The following MARCHF4 variants were observed in gnomAD, a reference collection of about 807,000 sequenced individuals.
MARCHF4 encodes membrane associated ring-CH-type finger 4.
In MARCHF4, 14 loss-of-function variants were observed where a neutral mutation model predicts 43.9. The ratio of observed to expected loss-of-function variants is 0.32; its 90% confidence interval spans 0.21 to 0.50. The LOEUF (loss-of-function observed/expected upper bound fraction) is 0.50. Ranked by LOEUF, MARCHF4 falls within the 20% of genes least tolerant of loss-of-function variation. MARCHF4 has a pLI of 0.98. For synonymous variants in MARCHF4, 226 were observed against 213.3 expected, an observed-to-expected ratio of 1.06 and a Z score of -0.52; for missense variants, 468 against 536.7, an observed-to-expected ratio of 0.87 and a Z score of 1.27.
intron 1 of MARCHF4, among the ~76,000 whole-genome samples, chr2:216,288,680 A>AGAGGCAG (rs896278463): frequency 6.6e-5 from 10 of 152,168 alleles, no homozygotes; most frequent in East Asian, 5.8e-4. Flanking sequence ...GGGTCGTGCT[A>AGAGGCAG]GAGGCAGGAG....
rs1419002211 is a variant in MARCHF4 at position 216,370,189 on chromosome 2, C to G, written c.72G>C (p.Leu24Phe). ...CCCSGWYCYG[L>F]CAPAPQMLRH... is the part of the protein sequence containing the mutation. ...GCAACATCTGGGGGGCTGGGGCACA[C>G]AATCCATAGCAGTACCAGCCGGAGC... is the stretch of plus-strand genomic sequence containing the variant. The change falls in exon 1 of 4, where the codon TTG (leucine) becomes TTC (phenylalanine). Residue 24 changes from leucine (L) to phenylalanine (F), a missense_variant. Transcript: ENST00000273067. 6.2e-7 allele frequency: 1 copy of G among 1,612,864 alleles called. No homozygotes were observed. Among genetic ancestry groups the G allele is most frequent in the Admixed American group, 1.7e-5 (1 of 59,894 alleles).
intron 1 of MARCHF4, among the ~76,000 whole-genome samples, chr2:216,308,315 G>A (rs1559095240): frequency 6.6e-6 from 1 of 152,026 alleles, no homozygotes; most frequent in South Asian, 2.1e-4. Flanking sequence ...CTGTTCAGAG[G>A]ATGGCTTGAG....
rs1234012243 is a variant in MARCHF4, at chr2:216,261,708, G to A, written c.866-2029C>T. 5.3e-5 allele frequency among the ~76,000 whole-genome samples: 8 copies of A among 152,166 alleles called. No homozygotes were observed. In the East Asian group the frequency reaches 1.3e-3, roughly 26 times the overall value. The stretch of plus-strand genomic sequence containing the variant: ...GAAGCTTAGGGAGAGGTCTGGCCTG[G>A]AGATAGAAGCCATCATTGTAGAGGT... On this transcript the variant is annotated intron_variant, in intron 3 of 3. Transcript: ENST00000273067.
chr2:216,263,499 G>GAGAGAAAGAGAGAA (rs1690780995), intron 3 of MARCHF4, among the ~76,000 whole-genome samples: 1 of 137,834 alleles, frequency 7.3e-6, no homozygotes, highest in African/African-American at 2.8e-5. Flanking sequence ...GAGAAAGAGA[G>GAGAGAAAGAGAGAA]AGAGAGAGAG....
intron 1 of MARCHF4, among the ~76,000 whole-genome samples, chr2:216,340,052 C>T (rs1434619972): frequency 3.9e-5 from 6 of 152,030 alleles, no homozygotes; most frequent in African/African-American, 4.8e-5. Flanking sequence ...AGCCGTTATC[C>T]GCCTCTCCCT....
chr2:216,311,881 G>C (rs1205378025), intron 1 of MARCHF4, among the ~76,000 whole-genome samples: 1 of 152,138 alleles, frequency 6.6e-6, no homozygotes, highest in Non-Finnish European at 1.5e-5. Flanking sequence ...ATTGTAATCA[G>C]TGTATTAGGA....
chr2:216,340,040 C>G (rs1417144644), intron 1 of MARCHF4, among the ~76,000 whole-genome samples: 3 of 152,078 alleles, frequency 2.0e-5, no homozygotes, highest in Non-Finnish European at 2.9e-5. Context: ...AGCTGAATTT[C>G]CAGCCGTTAT....
chr2:216,285,215 C>G (rs557634257), intron 1 of MARCHF4, among the ~76,000 whole-genome samples: 1 of 152,330 alleles, frequency 6.6e-6, no homozygotes, highest in East Asian at 1.9e-4. Flanking sequence ...ATGCCCACTC[C>G]GTGAGAATGG....
intron 1 of MARCHF4, among the ~76,000 whole-genome samples, chr2:216,295,897 C>T (rs1691383326): frequency 3.9e-5 from 6 of 152,226 alleles, no homozygotes; most frequent in Admixed American, 3.9e-4. Context: ...CCTGTAATTC[C>T]AGCACTGTGG....
intron 1 of MARCHF4, among the ~76,000 whole-genome samples, chr2:216,362,277 C>T (rs139864255): frequency 4.6e-5 from 7 of 152,272 alleles, no homozygotes; most frequent in African/African-American, 1.4e-4. Flanking sequence ...TTGGCCTTTT[C>T]GTTTATACAC....
chr2:216,345,138 G>C (rs1028499385), intron 1 of MARCHF4, among the ~76,000 whole-genome samples: 5 of 151,932 alleles, frequency 3.3e-5, no homozygotes, highest in Non-Finnish European at 5.9e-5. Flanking sequence ...AGAAACAAAA[G>C]AAAGGCTGAA....
At chr2:216,331,092 A>G (rs969724448) in intron 1 of MARCHF4, among the ~76,000 whole-genome samples, 1 of 152,160 alleles carries the variant, frequency 6.6e-6, no homozygotes, top group African/African-American at 2.4e-5. Context: ...TTGGTCTTTG[A>G]AAAGACTAAT....
rs192090955 is a variant in MARCHF4, at chr2:216,372,290, G to C, written c.-2030C>G. Among the ~76,000 whole-genome samples the C allele has an allele frequency of 1.3e-5, 2 of 152,232 alleles. No homozygotes were observed. The highest frequency in any genetic ancestry group is 1.3e-4 in the Admixed American group (2 of 15,304). On this transcript the variant is annotated 5_prime_UTR_variant, in exon 1 of 4. Transcript: ENST00000273067. ...GGTTCTTGCAGCGAGGGAGGCTCTC[G>C]GCTATCTCCGCCGCCGGCGCCGCGG...
intron 1 of MARCHF4, among the ~76,000 whole-genome samples, chr2:216,300,350 G>GTGTATATATATA (rs369678225): frequency 8.6e-6 from 1 of 115,804 alleles, no homozygotes; most frequent in African/African-American, 3.5e-5. Context: ...ATATATATAT[G>GTGTATATATATA]TATATATATA....
chr2:216,345,711 G>A (rs978960971), intron 1 of MARCHF4, among the ~76,000 whole-genome samples: 2 of 152,172 alleles, frequency 1.3e-5, no homozygotes, highest in African/African-American at 4.8e-5. Flanking sequence ...TGTGATCTGT[G>A]AATTAGAAGT....
At chr2:216,276,403 C>T (rs986742018) in intron 3 of MARCHF4, among the ~76,000 whole-genome samples, 2 of 152,216 alleles carry the variant, frequency 1.3e-5, no homozygotes, top group African/African-American at 4.8e-5. Context: ...GGGCTATCTG[C>T]TTCTCTCACT....
intron 3 of MARCHF4, among the ~76,000 whole-genome samples, chr2:216,263,061 G>A (rs375758710): frequency 1.3e-5 from 2 of 152,150 alleles, no homozygotes; most frequent in East Asian, 1.9e-4. Flanking sequence ...GAGCAGGTGC[G>A]TGAGGGTATC....
At chr2:216,318,635 C>T (rs974677575) in intron 1 of MARCHF4, among the ~76,000 whole-genome samples, 3 of 151,924 alleles carry the variant, frequency 2.0e-5, no homozygotes, top group African/African-American at 7.3e-5. Flanking sequence ...GTTCACAGGC[C>T]CTGAGGTAGG....
intron 3 of MARCHF4, among the ~76,000 whole-genome samples, chr2:216,260,326 GA>G (rs1690720894): frequency 6.6e-6 from 1 of 152,242 alleles, no homozygotes; most frequent in Admixed American, 6.5e-5. Flanking sequence ...CATCTTCATG[GA>G]GACACACAAT....
Sources: gnomAD v4.1 joint callset for allele counts (sites outside exome capture counted in the v4.1 genomes callset) on GRCh38, gnomAD v4.1.1 for gene constraint, MANE v1.5 for transcripts, NCBI Gene and HGNC (gene_info 2026-07-23, HGNC 2026-07-21) for gene names.